The following VAPB variants were observed in gnomAD, a reference collection of about 807,000 sequenced individuals.
VAPB encodes VAMP associated protein B and C.
In VAPB, 7 loss-of-function variants were observed where a neutral mutation model predicts 25.6. The observed-to-expected ratio is 0.27, with a 90% CI of 0.16 to 0.51. The LOEUF (loss-of-function observed/expected upper bound fraction) is 0.51, where lower values mean the gene tolerates loss of function less well. Ranked by LOEUF, VAPB falls within the 20% of genes least tolerant of loss-of-function variation. The probability of loss-of-function intolerance (pLI) is 0.97; values close to 1 mark genes in which losing one functional copy is unlikely to be tolerated. For synonymous variants in VAPB, 112 were observed against 109.2 expected (o/e 1.03, Z -0.16); for missense variants, 266 against 301.3 (o/e 0.88, Z 0.87).
chr20:58,439,013 G>A lies in VAPB; in HGVS notation c.384G>A (p.Glu128=), dbSNP rs781247972. ...KLRCVFELPA[E]NDKPHDVEIN... ...GATGTGTGTTTGAATTGCCAGCAGA[G>A]AATGATAAACCAGTAAGTATATTTA... Residue 128 remains glutamate, a synonymous_variant, in exon 4 of 6, where the codon GAG becomes GAA. Transcript: ENST00000475243. 2 of 1,613,496 alleles carry A rather than the reference G, an allele frequency of 1.2e-6. No individual in the cohort carries two copies. Among genetic ancestry groups the A allele is most frequent in the Non-Finnish European group, 1.7e-6 (2 of 1,179,778 alleles).
rs944186175 is a variant in VAPB, at chr20:58,444,406, T to C, written c.*171T>C. ...ATACACAGATACACACACACAAATA[T>C]AATGTAACGATCTTTTAGAAAGTTA... On this transcript the variant is annotated 3_prime_UTR_variant, in exon 6 of 6. Transcript: ENST00000475243. The C allele has an allele frequency of 1.8e-5, 16 of 884,388 alleles. No individual in the cohort carries two copies. The highest frequency in any genetic ancestry group is 5.9e-5 in the Admixed American group (3 of 50,884). 54.8% of individuals were successfully genotyped at this position (884,388 alleles called of 1,614,324 possible). A position where few individuals can be genotyped will look rare whatever the true frequency, so the allele number is the denominator to read the frequency against.
At chr20:58,417,530 C>T (rs1988570244) in intron 1 of VAPB, among the ~76,000 whole-genome samples, 1 of 152,204 alleles carries the variant, frequency 6.6e-6, no homozygotes, top group Admixed American at 6.5e-5. Context: ...GGCCACTGAG[C>T]CTGTTGCAGT....
chr20:58,400,978 G>A (rs1045428399), intron 1 of VAPB, among the ~76,000 whole-genome samples: 2 of 152,186 alleles, frequency 1.3e-5, no homozygotes, highest in Admixed American at 6.5e-5. Flanking sequence ...GAGAGAATGT[G>A]CAGATGCACA....
chr20:58,434,784 C>A, intron 3 of VAPB, 79 bp downstream of exon 3: 9 of 726,004 alleles, frequency 1.2e-5, no homozygotes, highest in Admixed American at 3.8e-5. Flanking sequence ...TGGGTGCATG[C>A]ATTTCAAAAT....
chr20:58,429,261 A>C (rs936521790), intron 2 of VAPB, among the ~76,000 whole-genome samples: 1 of 152,142 alleles, frequency 6.6e-6, no homozygotes, highest in Non-Finnish European at 1.5e-5. Context: ...TTTTATTCCC[A>C]ATTGAAAAGT....
At chr20:58,408,509 A>G (rs1429313466) in intron 1 of VAPB, among the ~76,000 whole-genome samples, 2 of 152,216 alleles carry the variant, frequency 1.3e-5, no homozygotes, top group African/African-American at 4.8e-5. Context: ...TCAAGAAAAT[A>G]GATTTTTAAG....
chr20:58,403,433 G>A (rs1425390180), intron 1 of VAPB, among the ~76,000 whole-genome samples: 2 of 152,172 alleles, frequency 1.3e-5, no homozygotes, highest in Non-Finnish European at 2.9e-5. Context: ...CAAATGCCCA[G>A]TCTTCTATCA....
intron 3 of VAPB, among the ~76,000 whole-genome samples, chr20:58,437,595 C>G (rs1034488845): frequency 2.0e-5 from 3 of 152,196 alleles, no homozygotes; most frequent in African/African-American, 7.2e-5. Flanking sequence ...CAGTCTTTCA[C>G]CTGGTGCTTT....
chr20:58,434,563 C>A, intron 2 of VAPB, 39 bp from the exon 3 acceptor site: 1 of 1,044,610 alleles, frequency 9.6e-7, no homozygotes, highest in Non-Finnish European at 1.5e-6. Context: ...CACTGACAAC[C>A]AAGCTCTGAC....
intron 1 of VAPB, 118 bp from the exon 2 acceptor site, chr20:58,418,093 T>A (rs187725251): frequency 7.3e-7 from 1 of 1,378,420 alleles, no homozygotes; most frequent in Admixed American, 1.7e-5. Context: ...CATTGGCATG[T>A]TAATGAGATA....
At chr20:58,435,596 C>T (rs991994527) in intron 3 of VAPB, among the ~76,000 whole-genome samples, 3 of 152,210 alleles carry the variant, frequency 2.0e-5, no homozygotes, top group African/African-American at 7.2e-5. Flanking sequence ...AGTTTCATAC[C>T]AAGGGCAACT....
At chr20:58,405,821 C>T (rs1988216427) in intron 1 of VAPB, among the ~76,000 whole-genome samples, 1 of 133,868 alleles carries the variant, frequency 7.5e-6, no homozygotes. Context: ...TGCGATCTCA[C>T]TCGGCTCACT....
intron 1 of VAPB, among the ~76,000 whole-genome samples, chr20:58,414,508 C>T (rs964853286): frequency 2.1e-4 from 32 of 151,134 alleles, no homozygotes; most frequent in African/African-American, 7.0e-4. Flanking sequence ...ACCTCTCAGA[C>T]GGGGCGGTGG....
At chr20:58,411,598 T>A (rs1988380057) in intron 1 of VAPB, among the ~76,000 whole-genome samples, 1 of 152,260 alleles carries the variant, frequency 6.6e-6, no homozygotes, top group African/African-American at 2.4e-5. Context: ...GTTTATTTGC[T>A]TTCTGTACGT....
chr20:58,413,846 A>G (rs557393577), intron 1 of VAPB, among the ~76,000 whole-genome samples: 37,607 of 112,816 alleles, frequency 0.33, 6,221 homozygotes, highest in Middle Eastern at 0.39. Context: ...CCTCCCTCCC[A>G]GATAGGGCGG....
intron 5 of VAPB, among the ~76,000 whole-genome samples, chr20:58,443,578 G>A (rs563829924): frequency 1.4e-4 from 21 of 151,672 alleles, no homozygotes; most frequent in African/African-American, 1.9e-4. Flanking sequence ...ATGAGCCACC[G>A]TGCCCAGTTG....
rs1223608569 is a variant in VAPB at position 58,441,100 on chromosome 20, T to C, written c.573+17T>C. ...CAGTTCAAGGTAATAGTTTATTTTC[T>C]GGTAATCTACAGAAAACAAGGGCGT... On this transcript the variant is annotated intron_variant, in intron 5 of 5. Transcript: ENST00000475243. 6.2e-7 allele frequency: 1 copy of C among 1,613,110 alleles called. No homozygotes were observed. The highest frequency in any genetic ancestry group is 8.5e-7 in the Non-Finnish European group (1 of 1,179,422).
At position 58,389,330 on chromosome 20, in the gene VAPB, A is replaced by G; in HGVS notation, c.-130A>G. The G allele has an allele frequency of 4.3e-5, 20 of 466,038 alleles. No individual in the cohort carries two copies. Among genetic ancestry groups the G allele is most frequent in the Middle Eastern group, 1.4e-3 (2 of 1,448 alleles). The allele number at this position is 466,038 out of a possible 1,614,324, so 28.9% of individuals were successfully genotyped here. On this transcript the variant is annotated 5_prime_UTR_variant, in exon 1 of 6. Transcript: ENST00000475243. ...CCCCCCCAGCGCGCCCACCCGGTAG[A>G]GGACCCCCGCCCGTGCCCCGACCGG...
At chr20:58,405,485 C>G (rs1040304958) in intron 1 of VAPB, among the ~76,000 whole-genome samples, 5 of 133,854 alleles carry the variant, frequency 3.7e-5, no homozygotes, top group African/African-American at 1.1e-4. Context: ...TTTTTGGAGA[C>G]AGAGTCTTGC....
Sources: gnomAD v4.1 joint callset for allele counts (sites outside exome capture counted in the v4.1 genomes callset) on GRCh38, gnomAD v4.1.1 for gene constraint, MANE v1.5 for transcripts, NCBI Gene and HGNC (gene_info 2026-07-23, HGNC 2026-07-21) for gene names.